LGSN: variants seen among roughly 807,000 people sequenced by gnomAD.
LGSN encodes the protein lengsin.
Under a neutral mutation model 19.5 loss-of-function variants are expected in LGSN, and 21 were observed. The ratio of observed to expected loss-of-function variants is 1.07; its 90% CI spans 0.76 to 1.55. LGSN has a LOEUF of 1.55. LGSN is among the 40% of genes most tolerant of loss of function. The probability of loss-of-function intolerance (pLI) is 0.00; values close to 1 mark genes in which losing one functional copy is unlikely to be tolerated. For missense variants in LGSN, 673 were observed against 608.5 expected, an observed-to-expected ratio of 1.11 and a Z score of -1.12; for synonymous variants, 257 against 215.6, an observed-to-expected ratio of 1.19 and a Z score of -1.68.
chr6:63,408,279 A>G, the LGSN span, among the ~76,000 whole-genome samples: 1 of 151,226 alleles, frequency 6.6e-6, no homozygotes, highest in Non-Finnish European at 1.5e-5. Context: ...ACTTCAAACT[A>G]TACTACAAGG....
chr6:63,305,123 A>T (rs772871896), intron 1 of LGSN, among the ~76,000 whole-genome samples: 1 of 152,214 alleles, frequency 6.6e-6, no homozygotes, highest in Non-Finnish European at 1.5e-5. Context: ...AAGGAAGAAG[A>T]TAGATTCCAA....
chr6:63,519,765 C>T, the LGSN span, among the ~76,000 whole-genome samples: 1 of 152,210 alleles, frequency 6.6e-6, no homozygotes, highest in Non-Finnish European at 1.5e-5. Context: ...TAACTTCCTA[C>T]TATTACACTT....
chr6:63,441,789 G>A, the LGSN span: 30 of 339,794 alleles, frequency 8.8e-5, no homozygotes, highest in African/African-American at 5.3e-4. Context: ...AAGCACACTC[G>A]TTTCTGGGCT....
At chr6:63,412,685 GAA>G in the LGSN span, among the ~76,000 whole-genome samples, 2,059 of 117,952 alleles carry the variant, frequency 0.017, 34 homozygotes, top group Non-Finnish European at 0.024. Context: ...AAGAAAGAAA[GAA>G]AGAGAAAGAA....
intron 1 of LGSN, 112 bp downstream of exon 1, chr6:63,319,802 C>T (rs1769018042): frequency 1.1e-5 from 8 of 749,884 alleles, no homozygotes; most frequent in Non-Finnish European, 7.1e-6. Context: ...GGACATATAA[C>T]AAGTATAATT....
At chr6:63,458,569 C>T in the LGSN span, among the ~76,000 whole-genome samples, 3 of 152,090 alleles carry the variant, frequency 2.0e-5, no homozygotes, top group African/African-American at 4.8e-5. Context: ...CTGAAGATCT[C>T]GGTCCTAGGA....
At chr6:63,296,655 G>A (rs561266958) in intron 1 of LGSN, among the ~76,000 whole-genome samples, 1 of 151,856 alleles carries the variant, frequency 6.6e-6, no homozygotes, top group Non-Finnish European at 1.5e-5. Flanking sequence ...GAAGGAATTG[G>A]GTGACATAAA....
chr6:63,412,768 A>AAAGGAAGGG, the LGSN span, among the ~76,000 whole-genome samples: 11 of 22,818 alleles, frequency 4.8e-4, no homozygotes, highest in African/African-American at 1.5e-3. Flanking sequence ...AGAAAGAAAG[A>AAAGGAAGGG]AAGGAAGGAA....
At chr6:63,394,251 G>A in the LGSN span, among the ~76,000 whole-genome samples, 5 of 152,236 alleles carry the variant, frequency 3.3e-5, no homozygotes, top group South Asian at 6.2e-4. Flanking sequence ...GCAACAGAGC[G>A]AGACTCTGTC....
chr6:63,356,669 G>A, the LGSN span, among the ~76,000 whole-genome samples: 1 of 152,160 alleles, frequency 6.6e-6, no homozygotes, highest in Non-Finnish European at 1.5e-5. Context: ...AAGGTAAGAT[G>A]TGAACAGACA....
chr6:63,309,243 C>T (rs2127394205), intron 1 of LGSN, among the ~76,000 whole-genome samples: 2 of 152,198 alleles, frequency 1.3e-5, no homozygotes, highest in East Asian at 3.9e-4. Flanking sequence ...ACCAGCCTGG[C>T]CAACATGGTG....
chr6:63,319,298 A>T (rs1359932145), intron 1 of LGSN, among the ~76,000 whole-genome samples: 1 of 152,212 alleles, frequency 6.6e-6, no homozygotes, highest in African/African-American at 2.4e-5. Flanking sequence ...AAGATAACTC[A>T]CATCCTCCCA....
At chr6:63,466,136 G>A in the LGSN span, among the ~76,000 whole-genome samples, 1 of 152,204 alleles carries the variant, frequency 6.6e-6, no homozygotes, top group East Asian at 1.9e-4. Flanking sequence ...CTGGCCTCAA[G>A]AGATCCTTCT....
the LGSN span, among the ~76,000 whole-genome samples, chr6:63,401,884 A>G: frequency 6.6e-6 from 1 of 152,236 alleles, no homozygotes; most frequent in African/African-American, 2.4e-5. Context: ...AAGTTTAATG[A>G]AGGTAGTACT....
the LGSN span, among the ~76,000 whole-genome samples, chr6:63,522,501 T>C: frequency 7.2e-5 from 11 of 152,206 alleles, 1 homozygote; most frequent in Admixed American, 5.9e-4. Flanking sequence ...ACTGTATCCA[T>C]GACAAGCTTT....
At chr6:63,486,342 AC>A in the LGSN span, among the ~76,000 whole-genome samples, 1 of 152,184 alleles carries the variant, frequency 6.6e-6, no homozygotes, top group Non-Finnish European at 1.5e-5. Context: ...TGAACATCCT[AC>A]CTGTCAAGCA....
At chr6:63,536,448 C>T in the LGSN span, among the ~76,000 whole-genome samples, 1 of 152,118 alleles carries the variant, frequency 6.6e-6, no homozygotes, top group Non-Finnish European at 1.5e-5. Context: ...TAAGGATATC[C>T]CATTAATTTC....
At chr6:63,341,983 G>A in the LGSN span, among the ~76,000 whole-genome samples, 1 of 152,142 alleles carries the variant, frequency 6.6e-6, no homozygotes, top group African/African-American at 2.4e-5. Flanking sequence ...GAACAGGGAT[G>A]GTGAAGATTT....
At chr6:63,368,761 G>C in the LGSN span, among the ~76,000 whole-genome samples, 7 of 152,234 alleles carry the variant, frequency 4.6e-5, no homozygotes, top group Admixed American at 4.6e-4. Flanking sequence ...TTTTTATCTT[G>C]TTTTGTTTAC....
Sources: gnomAD v4.1 joint callset for allele counts (sites outside exome capture counted in the v4.1 genomes callset) on GRCh38, gnomAD v4.1.1 for gene constraint, MANE v1.5 for transcripts, NCBI Gene and HGNC (gene_info 2026-07-23, HGNC 2026-07-21) for gene names.